Variants in TRIM9 observed in about 807,000 individuals in gnomAD.
TRIM9 encodes tripartite motif containing 9.
A neutral mutation model predicts 78.3 loss-of-function variants in TRIM9; 26 were observed. The observed-to-expected ratio is 0.33, with a 90% confidence interval of 0.24 to 0.46. The LOEUF (loss-of-function observed/expected upper bound fraction) is 0.46, where lower values mean the gene tolerates loss of function less well. Ranked by LOEUF, TRIM9 falls within the 20% of genes least tolerant of loss-of-function variation. TRIM9 has a pLI of 1.00. For missense variants in TRIM9, 787 were observed against 1,036.4 expected, an observed-to-expected ratio of 0.76 and a Z score of 3.30; for synonymous variants, 398 against 416.5, an observed-to-expected ratio of 0.96 and a Z score of 0.54.
intron 1 of TRIM9, among the ~76,000 whole-genome samples, chr14:51,048,510 T>C (rs73288895): frequency 0.077 from 11,688 of 152,286 alleles, 661 homozygotes; most frequent in African/African-American, 0.16. Context: ...AAGTCATTGG[T>C]TAATTACTAG....
chr14:51,049,373 G>C (rs78316550), intron 1 of TRIM9, among the ~76,000 whole-genome samples: 3,541 of 152,230 alleles, frequency 0.023, 91 homozygotes, highest in Admixed American at 0.048. Flanking sequence ...GGGTCTGTGC[G>C]TGCAGTGGAG....
At chr14:51,002,073 A>G (rs566147766) in intron 5 of TRIM9, among the ~76,000 whole-genome samples, 2 of 152,260 alleles carry the variant, frequency 1.3e-5, no homozygotes, top group African/African-American at 4.8e-5. Flanking sequence ...CTTCACATAT[A>G]AACTTAATAT....
chr14:51,084,174 T>A lies in TRIM9; in HGVS notation c.822+9944A>T, dbSNP rs1242668402. Among the ~76,000 whole-genome samples, 13 of 61,108 alleles carry A rather than the reference T, an allele frequency of 2.1e-4. No homozygotes were observed. The East Asian group carries it at 2.7e-3, about 13-fold the overall frequency. 40.1% of individuals were successfully genotyped at this position (61,108 alleles called of 152,430 possible). On this transcript the variant is annotated intron_variant, in intron 1 of 12. Coordinates refer to ENST00000684578, the MANE Select transcript of TRIM9 (RefSeq NM_001387360.1). ...ACTATCAGTTCAAACTTTTCCACAC[T>A]TTTTTTTTATATATATTTAGTGACC...
chr14:51,094,241 C>T lies in TRIM9; in HGVS notation c.699G>A (p.Glu233=). ...CGCAGTACATGCTGTGGTTCTCCAG[C>T]TCGTGGTCTGTGCAGGTGGAGACCT... The part of the protein sequence containing the change: ...PRKVSTCTDH[E]LENHSMYCVQ... Residue 233 remains glutamate, a synonymous_variant, in exon 1 of 13, where the codon GAG becomes GAA. Coordinates refer to ENST00000684578, the MANE Select transcript of TRIM9 (RefSeq NM_001387360.1). The T allele has an allele frequency of 6.2e-7, 1 of 1,614,252 alleles. No individual in the cohort carries two copies.
At chr14:51,008,759 G>C (rs560988721) in intron 5 of TRIM9, among the ~76,000 whole-genome samples, 3 of 152,206 alleles carry the variant, frequency 2.0e-5, no homozygotes, top group African/African-American at 7.2e-5. Context: ...AATATTTCTG[G>C]ATTCCTTTCT....
At chr14:51,022,812 T>C (rs2057884692) in intron 3 of TRIM9, 23 bp downstream of exon 3, 2 of 1,613,316 alleles carry the variant, frequency 1.2e-6, no homozygotes, top group Non-Finnish European at 1.7e-6. Flanking sequence ...GGCTTTCTGC[T>C]CTTCCCATGA....
At chr14:51,025,224 T>C (rs201853468) in intron 2 of TRIM9, 41 bp downstream of exon 2, 280 of 1,549,890 alleles carry the variant, frequency 1.8e-4, no homozygotes, top group African/African-American at 2.0e-4. Context: ...CAGTTACGTA[T>C]TAACCGGCGG....
At chr14:51,070,516 A>ATTT (rs199920531) in intron 1 of TRIM9, among the ~76,000 whole-genome samples, 92 of 144,284 alleles carry the variant, frequency 6.4e-4, no homozygotes, top group African/African-American at 2.3e-3. Context: ...AGTGTTTCAG[A>ATTT]TTTTTTTTTT....
In TRIM9 at chr14:51,009,046, G is replaced by A. The variant is rs200748846; in HGVS notation, c.1306+34C>T. On this transcript the variant is annotated intron_variant, in intron 5 of 12. Transcript: ENST00000684578. ...TCAAGCACCAGCATCCACTCAGGAT[G>A]TTGCTCTCTGACTTGGGGGATGCAA... 2.2e-4 allele frequency: 349 copies of A among 1,609,468 alleles called. 1 individual carries two copies. The highest frequency in any genetic ancestry group is 1.8e-4 in the Admixed American group (11 of 59,902).
intron 11 of TRIM9, among the ~76,000 whole-genome samples, chr14:50,980,800 G>A (rs2051776986): frequency 6.6e-6 from 1 of 152,216 alleles, no homozygotes; most frequent in African/African-American, 2.4e-5. Context: ...CACTTCAAGT[G>A]ACAGCGAATA....
At chr14:51,085,210 A>T (rs1360489369) in intron 1 of TRIM9, among the ~76,000 whole-genome samples, 1 of 152,178 alleles carries the variant, frequency 6.6e-6, no homozygotes, top group East Asian at 1.9e-4. Flanking sequence ...CCTCAATAAA[A>T]CTGACTGATG....
At chr14:51,045,326 A>G (rs1020020293) in intron 1 of TRIM9, among the ~76,000 whole-genome samples, 1 of 152,230 alleles carries the variant, frequency 6.6e-6, no homozygotes, top group African/African-American at 2.4e-5. Flanking sequence ...TGTCCCTGTG[A>G]GGGTGACACT....
In TRIM9 at chr14:50,977,164, C is replaced by A; in HGVS notation, c.*127G>T. Reference sequence around the variant, plus strand: ...CTGTGGGTGTAAAGACTGCAGAGGACCAGCTTTTCTCTCCTCCTTCTCCCA... The same window carrying A: ...CTGTGGGTGTAAAGACTGCAGAGGAACAGCTTTTCTCTCCTCCTTCTCCCA... On this transcript the variant is annotated 3_prime_UTR_variant, in exon 13 of 13. Coordinates refer to ENST00000684578, the MANE Select transcript of TRIM9 (RefSeq NM_001387360.1). The A allele has an allele frequency of 1.6e-6, 1 of 634,554 alleles. No individual in the cohort carries two copies. The highest frequency in any genetic ancestry group is 2.4e-6 in the Non-Finnish European group (1 of 415,680). 39.3% of individuals were successfully genotyped at this position (634,554 alleles called of 1,614,324 possible). A position where few individuals can be genotyped will look rare whatever the true frequency, so the allele number is the denominator to read the frequency against.
At chr14:51,064,835 T>C (rs1451004710) in intron 1 of TRIM9, among the ~76,000 whole-genome samples, 1 of 152,154 alleles carries the variant, frequency 6.6e-6, no homozygotes, top group East Asian at 1.9e-4. Flanking sequence ...ATCCCATATC[T>C]ATTAAAATAT....
chr14:51,038,042 A>C (rs890702169), intron 1 of TRIM9, among the ~76,000 whole-genome samples: 14 of 152,106 alleles, frequency 9.2e-5, no homozygotes, highest in African/African-American at 3.4e-4. Context: ...TGGTCCTCTA[A>C]AATGTCCATG....
chr14:50,997,723 A>C (rs532656794), intron 7 of TRIM9: 1 of 1,234,798 alleles, frequency 8.1e-7, no homozygotes, highest in East Asian at 3.5e-5. Context: ...CCTGCTCTAG[A>C]GCCTAGATAC....
At chr14:51,071,376 A>G (rs1034315796) in intron 1 of TRIM9, among the ~76,000 whole-genome samples, 1 of 120,340 alleles carries the variant, frequency 8.3e-6, no homozygotes, top group Non-Finnish European at 1.8e-5. Context: ...AACTCCGTCT[A>G]AAAAAAAAAA....
rs868399316 is a variant in TRIM9, at chr14:51,001,431, G to A, written c.1307-591C>T. Among the ~76,000 whole-genome samples, 4 of 151,954 alleles carry A rather than the reference G, an allele frequency of 2.6e-5. No homozygotes were observed. In the South Asian group the frequency reaches 8.3e-4, roughly 32 times the overall value. ...TTTTTAGTAGAGACGGGGTTTCACT[G>A]TGTTAGCCAGGATGGTCTTGATCTC... is the stretch of plus-strand genomic sequence containing the variant. On this transcript the variant is annotated intron_variant, in intron 5 of 12. Coordinates refer to ENST00000684578, the MANE Select transcript of TRIM9 (RefSeq NM_001387360.1).
intron 1 of TRIM9, among the ~76,000 whole-genome samples, chr14:51,069,642 TA>T (rs1244706440): frequency 3.3e-5 from 5 of 152,216 alleles, no homozygotes; most frequent in African/African-American, 1.2e-4. Context: ...AAGCAACACT[TA>T]AAATCAGGAG....
Sources: gnomAD v4.1 joint callset for allele counts (sites outside exome capture counted in the v4.1 genomes callset) on GRCh38, gnomAD v4.1.1 for gene constraint, MANE v1.5 for transcripts, NCBI Gene and HGNC (gene_info 2026-07-23, HGNC 2026-07-21) for gene names.